PRKN: variants seen among roughly 807,000 people sequenced by gnomAD.
PRKN encodes the protein parkin RBR E3 ubiquitin protein ligase, also known as E3 ubiquitin-protein ligase parkin.
Under a neutral mutation model 59.5 loss-of-function variants are expected in PRKN, and 56 were observed. That is an observed-to-expected ratio of 0.94 (90% CI 0.76 to 1.18). The LOEUF (loss-of-function observed/expected upper bound fraction) is 1.18, where lower values mean the gene tolerates loss of function less well. Among genes scored for constraint, PRKN ranks in the 50% most tolerant of loss-of-function variants. The pLI is 0.00. For synonymous variants in PRKN, 250 were observed against 222.1 expected (o/e 1.13, Z -1.12); for missense variants, 657 against 596.4 (o/e 1.10, Z -1.06).
chr6:161,447,991 C>T lies in PRKN; in HGVS notation c.1084-61114G>A, dbSNP rs188518062. Among the ~76,000 whole-genome samples the T allele has an allele frequency of 0.017, 2,626 of 152,158 alleles. 71 individuals are homozygous for T. Among genetic ancestry groups the T allele is most frequent in the African/African-American group, 0.061 (2,509 of 41,460 alleles). On this transcript the variant is annotated intron_variant, in intron 9 of 11. Transcript: ENST00000366898. The surrounding 1 kb of genome is among the most constrained non-coding windows in gnomAD (Gnocchi z 4.1). ...CTTAGACCTTAACCAGACTTATAGC[C>T]TTCATTCAAACCAGACTGAATGATG...
At chr6:162,258,625 G>A (rs77546658) in intron 3 of PRKN, among the ~76,000 whole-genome samples, 14,717 of 152,188 alleles carry the variant, frequency 0.097, 1,172 homozygotes, top group African/African-American at 0.21. Context: ...CTGGGCCCGC[G>A]GTGTTAGCAT....
At chr6:161,881,396 G>A (rs527628628) in intron 6 of PRKN, among the ~76,000 whole-genome samples, 1 of 152,308 alleles carries the variant, frequency 6.6e-6, no homozygotes, top group Non-Finnish European at 1.5e-5. Flanking sequence ...AGAGGCTAAT[G>A]CAAGAATATG....
chr6:162,446,127 A>G (rs951203401), intron 1 of PRKN, among the ~76,000 whole-genome samples: 1 of 152,186 alleles, frequency 6.6e-6, no homozygotes, highest in African/African-American at 2.4e-5. Flanking sequence ...AAGAAATAAA[A>G]ATGTATTGGA....
rs1777426069 is a variant in PRKN at position 161,488,604 on chromosome 6, GC to G, written c.1083+60249del. Among the ~76,000 whole-genome samples, 2 of 152,034 alleles carry G rather than the reference GC, an allele frequency of 1.3e-5. No homozygotes were observed. The highest frequency in any genetic ancestry group is 4.8e-5 in the African/African-American group (2 of 41,382). On this transcript the variant is annotated intron_variant, in intron 9 of 11. Coordinates refer to ENST00000366898, the MANE Select transcript of PRKN (RefSeq NM_004562.3). This position sits in a 1 kb window ranked among gnomAD's most constrained non-coding sequence, Gnocchi z 4.5. ...GGGCTCAAGTGATCTTCCTGCCTCAGCCTCCTGAGTAGGTGGGACTAAAGGC... is the reference window on the plus strand; with the variant it reads ...GGGCTCAAGTGATCTTCCTGCCTCAGCTCCTGAGTAGGTGGGACTAAAGGC...
At chr6:162,475,590 T>TGTGA (rs112748458) in intron 1 of PRKN, among the ~76,000 whole-genome samples, 47,401 of 151,856 alleles carry the variant, frequency 0.31, 7,637 homozygotes, top group East Asian at 0.49. Context: ...CATGAGTGTG[T>TGTGA]GTGTGTTTGC....
intron 4 of PRKN, among the ~76,000 whole-genome samples, chr6:162,123,082 C>T (rs747954333): frequency 2.7e-5 from 4 of 150,582 alleles, no homozygotes; most frequent in Non-Finnish European, 4.4e-5. Context: ...CAAGAAAAAA[C>T]GGGGGATACT....
intron 6 of PRKN, among the ~76,000 whole-genome samples, chr6:161,954,272 TC>T (rs925378225): frequency 4.6e-5 from 7 of 152,136 alleles, no homozygotes; most frequent in Non-Finnish European, 8.8e-5. Flanking sequence ...CTTCATCAGT[TC>T]CACTAAAGAC....
At chr6:162,606,211 T>A (rs1781906610) in intron 1 of PRKN, among the ~76,000 whole-genome samples, 1 of 152,168 alleles carries the variant, frequency 6.6e-6, no homozygotes, top group East Asian at 1.9e-4. Flanking sequence ...TAGGGTTACA[T>A]CCCAATAAAC....
At chr6:161,381,869 T>A (rs1370635773) in intron 10 of PRKN, among the ~76,000 whole-genome samples, 1 of 151,752 alleles carries the variant, frequency 6.6e-6, no homozygotes, top group Non-Finnish European at 1.5e-5. Context: ...TCCCAGCACT[T>A]CGGGAGGCCA....
intron 2 of PRKN, among the ~76,000 whole-genome samples, chr6:162,410,110 T>C (rs978010572): frequency 6.6e-6 from 1 of 152,166 alleles, no homozygotes; most frequent in Non-Finnish European, 1.5e-5. Context: ...CTCTAACATT[T>C]CTCTGTAGAG....
chr6:162,393,155 C>CTTTTGTTTTTTTTTTTTT (rs1787291002), intron 2 of PRKN, among the ~76,000 whole-genome samples: 1 of 80,190 alleles, frequency 1.2e-5, no homozygotes, highest in African/African-American at 5.4e-5. Flanking sequence ...ATAGGAGATT[C>CTTTTGTTTTTTTTTTTTT]TTTTTTTTTT....
intron 2 of PRKN, among the ~76,000 whole-genome samples, chr6:162,350,269 A>T (rs1784570197): frequency 6.6e-6 from 1 of 152,142 alleles, no homozygotes; most frequent in Admixed American, 6.5e-5. Context: ...AAATATCAAT[A>T]CTCTCCAAAT....
At chr6:161,767,979 C>G (rs1240252003) in intron 7 of PRKN, among the ~76,000 whole-genome samples, 1 of 151,922 alleles carries the variant, frequency 6.6e-6, no homozygotes, top group East Asian at 1.9e-4. Flanking sequence ...TAAGATGTAT[C>G]AAAAATTTAT....
intron 4 of PRKN, among the ~76,000 whole-genome samples, chr6:162,166,544 T>C (rs558905568): frequency 6.6e-6 from 1 of 152,268 alleles, no homozygotes; most frequent in East Asian, 1.9e-4. Context: ...ACTATGAACA[T>C]GTATTGAACT....
Position 161,527,504 on chromosome 6 carries a change from A to G in PRKN, c.1083+21350T>C, listed in dbSNP as rs1226513662. Among the ~76,000 whole-genome samples, 1 of 152,184 alleles carries G rather than the reference A, an allele frequency of 6.6e-6. No homozygotes were observed. The highest frequency in any genetic ancestry group is 1.5e-5 in the Non-Finnish European group (1 of 68,034). On this transcript the variant is annotated intron_variant, in intron 9 of 11. Coordinates refer to ENST00000366898, the MANE Select transcript of PRKN (RefSeq NM_004562.3). The surrounding 1 kb of genome is among the most constrained non-coding windows in gnomAD (Gnocchi z 4.6). ...CCACATGAGGGAGGGGTGCCTTCTA[A>G]TTCACAGCAAGATGCCTTCTGCTAC...
chr6:162,468,108 G>A (rs532019017), intron 1 of PRKN, among the ~76,000 whole-genome samples: 11 of 152,202 alleles, frequency 7.2e-5, no homozygotes, highest in South Asian at 2.1e-4. Context: ...TGTAAGCCCC[G>A]ACAGGACAGG....
intron 2 of PRKN, among the ~76,000 whole-genome samples, chr6:162,394,011 T>C (rs557940923): frequency 6.6e-6 from 1 of 152,326 alleles, no homozygotes; most frequent in African/African-American, 2.4e-5. Flanking sequence ...TTCTACATTG[T>C]TAGCAAAGCA....
chr6:161,424,218 T>A (rs1219982707), intron 9 of PRKN, among the ~76,000 whole-genome samples: 1 of 150,860 alleles, frequency 6.6e-6, no homozygotes, highest in African/African-American at 2.4e-5. Flanking sequence ...GTGCCTGTAA[T>A]CCCAGCTACT....
rs149874104 is a variant in PRKN at position 162,530,197 on chromosome 6, C to A, written c.8-86724G>T. 3.1e-3 allele frequency among the ~76,000 whole-genome samples: 464 copies of A among 150,390 alleles called. 3 individuals are homozygous for A. Among genetic ancestry groups the A allele is most frequent in the African/African-American group, 0.011 (435 of 40,874 alleles). ...TTCCCAGGAGTTAATTATTAGTTAACATGATTAGCATCCAAGATGGATTTG... is the reference window on the plus strand; with the variant it reads ...TTCCCAGGAGTTAATTATTAGTTAAAATGATTAGCATCCAAGATGGATTTG... On this transcript the variant is annotated intron_variant, in intron 1 of 11. Transcript: ENST00000366898.
Sources: allele counts gnomAD v4.1 joint callset (sites outside exome capture counted in the v4.1 genomes callset), GRCh38; gene constraint gnomAD v4.1.1; non-coding constraint Gnocchi (gnomAD v3.1); transcripts MANE v1.5; gene names NCBI Gene and HGNC (gene_info 2026-07-23, HGNC 2026-07-21).